NRXN3: variants seen among roughly 807,000 people sequenced by gnomAD.
NRXN3 encodes neurexin III.
In NRXN3, 32 loss-of-function variants were observed where a neutral mutation model predicts 137.6. That is an observed-to-expected ratio of 0.23 (90% CI 0.18 to 0.31). The LOEUF is 0.31. NRXN3 is among the 10% of genes least tolerant of loss of function. The pLI, the probability that NRXN3 is intolerant of heterozygous loss-of-function variation, is 1.00. For missense variants in NRXN3, 1,574 were observed against 2,062.5 expected (o/e 0.76, Z 4.59); for synonymous variants, 798 against 784.5 (o/e 1.02, Z -0.29).
intron 4 of NRXN3, among the ~76,000 whole-genome samples, chr14:78,547,441 A>T (rs75843735): frequency 1.3e-5 from 2 of 151,702 alleles, no homozygotes; most frequent in Admixed American, 1.3e-4. Context: ...CTCGTGATCC[A>T]CCCTCCTCGG....
intron 15 of NRXN3, among the ~76,000 whole-genome samples, chr14:79,061,188 C>G (rs1199321935): frequency 6.6e-6 from 1 of 152,162 alleles, no homozygotes; most frequent in Non-Finnish European, 1.5e-5. Context: ...GGGGAGACAA[C>G]AGTGCATAAA....
intron 17 of NRXN3, among the ~76,000 whole-genome samples, chr14:79,686,522 C>G (rs1464794870): frequency 6.6e-6 from 1 of 151,992 alleles, no homozygotes; most frequent in Non-Finnish European, 1.5e-5. Context: ...CTTTTGATTC[C>G]CCACAAGCTA....
intron 15 of NRXN3, among the ~76,000 whole-genome samples, chr14:79,422,973 C>T (rs1457930548): frequency 6.6e-6 from 1 of 152,154 alleles, no homozygotes; most frequent in East Asian, 1.9e-4. Context: ...GCTGGGATTA[C>T]AGGCATGGGT....
At chr14:78,366,737 T>C (rs755922985) in intron 4 of NRXN3, among the ~76,000 whole-genome samples, 1 of 152,204 alleles carries the variant, frequency 6.6e-6, no homozygotes, top group Non-Finnish European at 1.5e-5. Flanking sequence ...TTATTCACTA[T>C]CATGAGAACA....
intron 4 of NRXN3, among the ~76,000 whole-genome samples, chr14:78,453,676 T>C (rs1378629382): frequency 6.6e-6 from 1 of 152,214 alleles, no homozygotes; most frequent in African/African-American, 2.4e-5. Context: ...TTTGGGTCTT[T>C]GTAGATGATC....
At chr14:78,258,059 A>T (rs2069967143) in intron 2 of NRXN3, among the ~76,000 whole-genome samples, 1 of 152,222 alleles carries the variant, frequency 6.6e-6, no homozygotes, top group Non-Finnish European at 1.5e-5. Context: ...TTGGGCAAAT[A>T]ATCTCACTTC....
intron 6 of NRXN3, among the ~76,000 whole-genome samples, chr14:78,671,449 G>A (rs2097934159): frequency 1.3e-5 from 2 of 152,114 alleles, no homozygotes; most frequent in South Asian, 4.1e-4. Context: ...TATAAGAAAT[G>A]TTGCTATTGG....
chr14:78,648,430 A>G (rs1265324224), intron 5 of NRXN3, among the ~76,000 whole-genome samples: 1 of 152,256 alleles, frequency 6.6e-6, no homozygotes, highest in African/African-American at 2.4e-5. Context: ...AAGCTTGAAA[A>G]GCATTGTTCA....
intron 19 of NRXN3, among the ~76,000 whole-genome samples, chr14:79,763,978 G>A (rs2099047683): frequency 6.7e-6 from 1 of 149,590 alleles, no homozygotes; most frequent in Admixed American, 6.6e-5. Context: ...CTTTTATTGT[G>A]CTTTTTCTGA....
intron 11 of NRXN3, among the ~76,000 whole-genome samples, chr14:78,960,041 A>G (rs2152976112): frequency 6.6e-6 from 1 of 152,310 alleles, no homozygotes; most frequent in South Asian, 2.1e-4. Context: ...TTTGGAATAA[A>G]GCTATTTGTA....
chr14:78,706,188 A>T (rs2098346680), intron 6 of NRXN3, among the ~76,000 whole-genome samples: 1 of 152,222 alleles, frequency 6.6e-6, no homozygotes, highest in South Asian at 2.1e-4. Flanking sequence ...TAGGAACTCT[A>T]GTCACAGGCA....
At chr14:79,336,949 T>G (rs772179565) in intron 15 of NRXN3, among the ~76,000 whole-genome samples, 1 of 152,216 alleles carries the variant, frequency 6.6e-6, no homozygotes, top group Non-Finnish European at 1.5e-5. Context: ...ATCTCTATAG[T>G]TATGTTTCTT....
intron 10 of NRXN3, among the ~76,000 whole-genome samples, chr14:78,867,585 A>G (rs1215099827): frequency 6.6e-6 from 1 of 152,206 alleles, no homozygotes; most frequent in East Asian, 1.9e-4. Context: ...TGAAGCAGTC[A>G]TGAAAGCTAA....
At chr14:79,360,286 A>G (rs2093637693) in intron 15 of NRXN3, among the ~76,000 whole-genome samples, 1 of 152,202 alleles carries the variant, frequency 6.6e-6, no homozygotes, top group Admixed American at 6.5e-5. Context: ...TAAGGATATG[A>G]GGATAAGGCA....
At chr14:78,488,200 C>A (rs2153746882) in intron 4 of NRXN3, among the ~76,000 whole-genome samples, 1 of 152,286 alleles carries the variant, frequency 6.6e-6, no homozygotes, top group African/African-American at 2.4e-5. Flanking sequence ...GATTAGGGCT[C>A]ACTCTAATGA....
At chr14:78,751,821 A>G (rs2098643900) in intron 8 of NRXN3, among the ~76,000 whole-genome samples, 1 of 152,108 alleles carries the variant, frequency 6.6e-6, no homozygotes, top group Non-Finnish European at 1.5e-5. Context: ...AGCTTGTTAG[A>G]AATGCAAAAT....
In NRXN3 at chr14:78,492,165, C is replaced by T. The variant is rs74713575; in HGVS notation, c.758-152955C>T. On this transcript the variant is annotated intron_variant, in intron 4 of 20. Transcript: ENST00000335750. The stretch of plus-strand genomic sequence containing the variant: ...CATTATGGGTCTATCACATGATAAA[C>T]GCTTAAGAACAGAGACTCCTTTTAC... Among the ~76,000 whole-genome samples, 916 of 152,196 alleles carry T rather than the reference C, an allele frequency of 6.0e-3. 40 individuals carry two copies. In the East Asian group the frequency reaches 0.098, roughly 16 times the overall value.
intron 6 of NRXN3, among the ~76,000 whole-genome samples, chr14:78,671,044 A>G (rs747462225): frequency 5.3e-5 from 8 of 152,228 alleles, no homozygotes; most frequent in Non-Finnish European, 8.8e-5. Flanking sequence ...AAGGAAGAAC[A>G]ATGTATTTTA....
At chr14:78,336,090 C>G (rs1035765994) in intron 4 of NRXN3, among the ~76,000 whole-genome samples, 8 of 152,180 alleles carry the variant, frequency 5.3e-5, no homozygotes, top group African/African-American at 1.9e-4. Context: ...CTCCTCCCCA[C>G]CCCCATAGAG....
Sources: gnomAD v4.1 joint callset for allele counts (sites outside exome capture counted in the v4.1 genomes callset) on GRCh38, gnomAD v4.1.1 for gene constraint, MANE v1.5 for transcripts, NCBI Gene and HGNC (gene_info 2026-07-23, HGNC 2026-07-21) for gene names.